BFAR: variants seen among roughly 807,000 people sequenced by gnomAD.
BFAR encodes the protein RING finger protein 47.
BFAR carries 52 observed loss-of-function variants against 54.4 expected under a neutral mutation model. The observed-to-expected ratio is 0.96, with a 90% CI of 0.77 to 1.21. The LOEUF is 1.21. Ranked by LOEUF, BFAR falls within the 50% of genes most tolerant of loss-of-function variation. BFAR has a pLI of 0.00. For synonymous variants in BFAR, 215 were observed against 204.3 expected, an observed-to-expected ratio of 1.05 and a Z score of -0.45; for missense variants, 571 against 534.0, an observed-to-expected ratio of 1.07 and a Z score of -0.68.
rs1006136818 is a variant in BFAR, at chr16:14,648,333, A to G, written c.264-55A>G. 1.4e-5 allele frequency: 21 copies of G among 1,456,292 alleles called. No homozygotes were observed. The African/African-American group carries it at 2.8e-4, about 19-fold the overall frequency. The allele number at this position is 1,456,292 out of a possible 1,614,324, so 90.2% of individuals were successfully genotyped here. On this transcript the variant is annotated intron_variant, in intron 2 of 7. Transcript: ENST00000261658. The stretch of plus-strand genomic sequence containing the variant: ...GACTATCAGGGCTTTTTTGGCCTCT[A>G]AACATGATATTTAGTCAAACAACTG...
chr16:14,648,692 A>C, intron 3 of BFAR, 100 bp downstream of exon 3: 2 of 830,928 alleles, frequency 2.4e-6, no homozygotes, highest in South Asian at 1.6e-5. Context: ...GAAATAATTG[A>C]TGATGTGACT....
At chr16:14,653,887 G>C (rs1014454274) in intron 4 of BFAR, among the ~76,000 whole-genome samples, 10 of 151,694 alleles carry the variant, frequency 6.6e-5, no homozygotes, top group African/African-American at 2.4e-4. Context: ...TTTCTGGAGA[G>C]ACAGGGTCTC....
In BFAR at chr16:14,648,469, T is replaced by A. The variant is rs747272316; in HGVS notation, c.345T>A (p.Ser115Arg). The part of the protein sequence containing the change: ...DIQQNNDIVQ[S>R]LAAFQKYGND... ...AGCAGAATAATGACATAGTCCAAAG[T>A]CTTGCAGCCTTTCAGAAATATGGGA... The change falls in exon 3 of 8, where the codon AGT becomes AGA. Residue 115 changes from serine (S) to arginine (R), a missense_variant. Transcript: ENST00000261658. 6.2e-7 allele frequency: 1 copy of A among 1,613,468 alleles called. No homozygotes were observed.
At chr16:14,661,008 G>C (rs573233105) in intron 5 of BFAR, among the ~76,000 whole-genome samples, 38 of 152,142 alleles carry the variant, frequency 2.5e-4, no homozygotes, top group Non-Finnish European at 7.3e-5. Flanking sequence ...AGGATTACAG[G>C]CGTGAGCCAC....
Position 14,667,628 on chromosome 16 carries a change from G to T in BFAR, c.1161-7G>T. The T allele has an allele frequency of 6.2e-7, 1 of 1,612,166 alleles. No homozygotes were observed. On this transcript the variant is annotated splice_polypyrimidine_tract_variant and splice_region_variant and intron_variant, in intron 7 of 7. Transcript: ENST00000261658. ...CTCCGATTCAGCCTCTTCTCTTCTT[G>T]TTTCAGGACCGTGCCTCAGAGGATG...
intron 4 of BFAR, among the ~76,000 whole-genome samples, chr16:14,652,390 C>T (rs1199046052): frequency 1.3e-5 from 2 of 151,880 alleles, no homozygotes; most frequent in East Asian, 1.9e-4. Flanking sequence ...GGGTGATCCT[C>T]CTGCCTCAGC....
Position 14,660,510 on chromosome 16 carries a change from C to CG in BFAR, c.784-1382_784-1381insG, listed in dbSNP as rs1172372052. Among the ~76,000 whole-genome samples, 3 of 150,046 alleles carry CG rather than the reference C, an allele frequency of 2.0e-5. No homozygotes were observed. In the East Asian group the frequency reaches 6.0e-4, roughly 30 times the overall value. ...ATATTGGTCAGGCTGGTCTCGAACT[C>CG]CTGACCTCAGGTGATCCTCCTGCCT... is the stretch of plus-strand genomic sequence containing the variant. On this transcript the variant is annotated intron_variant, in intron 5 of 7. Coordinates refer to ENST00000261658, the MANE Select transcript of BFAR (RefSeq NM_016561.3).
chr16:14,646,601 T>A (rs12445930), intron 2 of BFAR, among the ~76,000 whole-genome samples: 1 of 151,262 alleles, frequency 6.6e-6, no homozygotes, highest in Admixed American at 6.6e-5. Flanking sequence ...CAGGTTCAAG[T>A]GATTCTCCTG....
At chr16:14,646,688 G>C (rs1172966631) in intron 2 of BFAR, among the ~76,000 whole-genome samples, 3 of 150,668 alleles carry the variant, frequency 2.0e-5, no homozygotes. Context: ...CGTAGAGACA[G>C]AGTTTCTCCA....
At chr16:14,659,235 T>G (rs530277559) in intron 5 of BFAR, among the ~76,000 whole-genome samples, 37 of 143,138 alleles carry the variant, frequency 2.6e-4, no homozygotes, top group East Asian at 1.7e-3. Flanking sequence ...GTTTTTTTTG[T>G]TTTTTTTTGT....
In BFAR at chr16:14,665,076, G is replaced by GT. The variant is rs762589654; in HGVS notation, c.1160+6dup. 1.2e-6 allele frequency: 2 copies of GT among 1,606,180 alleles called. No homozygotes were observed. The highest frequency in any genetic ancestry group is 2.7e-5 in the African/African-American group (2 of 74,876). ...CTGGTCGAGAAGTGAACTGAAGTAA[G>GT]TATGTTTTAATGGTTGTCACAACAG... On this transcript the variant is annotated splice_donor_region_variant and intron_variant, in intron 7 of 7. Transcript: ENST00000261658.
intron 1 of BFAR, among the ~76,000 whole-genome samples, chr16:14,639,217 A>G (rs1959547090): frequency 1.3e-5 from 2 of 151,820 alleles, no homozygotes; most frequent in Admixed American, 6.6e-5. Flanking sequence ...CTGGTCTCCA[A>G]CTCCTGGAAT....
intron 4 of BFAR, among the ~76,000 whole-genome samples, chr16:14,650,746 T>G (rs1409294619): frequency 1.3e-5 from 2 of 152,208 alleles, no homozygotes; most frequent in Non-Finnish European, 2.9e-5. Context: ...CATTGGTTGA[T>G]GGACATTTGG....
Position 14,650,001 on chromosome 16 carries a change from G to T in BFAR, c.638+28G>T, listed in dbSNP as rs199502757. The T allele has an allele frequency of 2.5e-6, 4 of 1,571,514 alleles. No individual in the cohort carries two copies. The African/African-American group carries it at 5.4e-5, about 21-fold the overall frequency. ...GAGGAGCAAAGTCTTCTGACACACC[G>T]TGGACATTTTAGAAAACAGCTTTCT... On this transcript the variant is annotated intron_variant, in intron 4 of 7. Coordinates refer to ENST00000261658, the MANE Select transcript of BFAR (RefSeq NM_016561.3).
intron 5 of BFAR, among the ~76,000 whole-genome samples, chr16:14,661,220 A>G (rs956203210): frequency 2.0e-5 from 3 of 152,070 alleles, no homozygotes; most frequent in Admixed American, 2.0e-4. Flanking sequence ...TAAAATCTGT[A>G]TTTCAGATTA....
intron 1 of BFAR, among the ~76,000 whole-genome samples, chr16:14,641,347 T>TA (rs1959620574): frequency 6.6e-6 from 1 of 152,172 alleles, no homozygotes; most frequent in Non-Finnish European, 1.5e-5. Flanking sequence ...TGCTGACAGC[T>TA]AGCCATATGT....
chr16:14,653,108 A>G (rs1348658937), intron 4 of BFAR, among the ~76,000 whole-genome samples: 1 of 152,210 alleles, frequency 6.6e-6, no homozygotes, highest in Non-Finnish European at 1.5e-5. Flanking sequence ...AGCTTTCTAG[A>G]GGACAAATTC....
At chr16:14,660,536 T>C (rs1051215993) in intron 5 of BFAR, among the ~76,000 whole-genome samples, 8 of 146,130 alleles carry the variant, frequency 5.5e-5, no homozygotes, top group Admixed American at 3.4e-4. Flanking sequence ...CCTCCTGCCT[T>C]GGCCTCCCAA....
intron 2 of BFAR, among the ~76,000 whole-genome samples, chr16:14,644,991 A>G (rs927667844): frequency 3.9e-5 from 6 of 152,128 alleles, no homozygotes; most frequent in Non-Finnish European, 8.8e-5. Context: ...AAAGAAAGAA[A>G]GTCTGGTTAG....
Sources: allele counts gnomAD v4.1 joint callset (sites outside exome capture counted in the v4.1 genomes callset), GRCh38; gene constraint gnomAD v4.1.1; transcripts MANE v1.5; gene names NCBI Gene and HGNC (gene_info 2026-07-23, HGNC 2026-07-21).